The following CDON variants were observed in gnomAD, a reference collection of about 807,000 sequenced individuals.
The protein encoded by CDON is cell adhesion associated, oncogene regulated.
A neutral mutation model predicts 120.9 loss-of-function variants in CDON; 73 were observed. The ratio of observed to expected loss-of-function variants is 0.60; its 90% CI spans 0.50 to 0.73. The LOEUF is 0.73. Ranked by LOEUF, CDON falls within the 30% of genes least tolerant of loss-of-function variation. The probability of loss-of-function intolerance (pLI) is 0.00; values close to 1 mark genes in which losing one functional copy is unlikely to be tolerated. For synonymous variants in CDON, 566 were observed against 573.5 expected, an observed-to-expected ratio of 0.99 and a Z score of 0.19; for missense variants, 1,470 against 1,587.3, an observed-to-expected ratio of 0.93 and a Z score of 1.26.
chr11:126,047,992 C>A (rs1038304302), intron 1 of CDON, among the ~76,000 whole-genome samples: 3 of 152,134 alleles, frequency 2.0e-5, no homozygotes, highest in African/African-American at 7.2e-5. Flanking sequence ...AAGAAATGGT[C>A]TTCAGCCGTC....
At position 126,023,385 on chromosome 11, in the gene CDON, C is replaced by A. The variant is rs769492160; in HGVS notation, c.76+16G>T. 6.4e-7 allele frequency: 1 copy of A among 1,561,262 alleles called. No homozygotes were observed. ...GAGTAAAGGCCAAACCACCCCCTCCCCAATTCTACTCTTACCTGAACTCAC... is the reference window on the plus strand; with the variant it reads ...GAGTAAAGGCCAAACCACCCCCTCCACAATTCTACTCTTACCTGAACTCAC... On this transcript the variant is annotated intron_variant, in intron 2 of 19. Coordinates refer to ENST00000531738, the MANE Select transcript of CDON (RefSeq NM_001378964.1).
At chr11:126,038,097 C>A (rs1339220902) in intron 1 of CDON, among the ~76,000 whole-genome samples, 1 of 151,960 alleles carries the variant, frequency 6.6e-6, no homozygotes, top group Non-Finnish European at 1.5e-5. Flanking sequence ...TCAAAAAAAT[C>A]AAAAAGCTAA....
rs768523009 is a variant in CDON, at chr11:125,997,373, T to C, written c.2196A>G (p.Ala732=). 8 of 1,613,938 alleles carry C rather than the reference T, an allele frequency of 5.0e-6. No individual in the cohort carries two copies. The highest frequency in any genetic ancestry group is 2.2e-5 in the South Asian group (2 of 91,056). ...EAPDRPTIST[A]SETSVYVTWI... ...AAGTGACATAGACTGATGTCTCTGA[T>C]GCAGTGGAGATGGTAGGCCGATCTG... is the stretch of plus-strand genomic sequence containing the variant. The change falls in exon 12 of 20, where the codon GCA becomes GCG. Residue 732 remains alanine, a synonymous_variant. Coordinates refer to ENST00000531738, the MANE Select transcript of CDON (RefSeq NM_001378964.1).
intron 7 of CDON, chr11:126,015,038 C>G: frequency 1.7e-6 from 1 of 600,022 alleles, no homozygotes; most frequent in Non-Finnish European, 2.9e-6. Context: ...TTTTTAAAAA[C>G]TTTTTTTAAT....
At chr11:125,975,334 C>T (rs1254927151) in intron 18 of CDON, among the ~76,000 whole-genome samples, 3 of 152,238 alleles carry the variant, frequency 2.0e-5, no homozygotes, top group African/African-American at 4.8e-5. Flanking sequence ...TCTCTGAAGG[C>T]AGGGCCTAGG....
At position 126,062,593 on chromosome 11, in the gene CDON, GGCTAAGCCTCCA is replaced by G. The variant is rs1428589359; in HGVS notation, c.-88_-77del. On this transcript the variant is annotated 5_prime_UTR_variant, in exon 1 of 20. It removes the in-frame stop codon of an upstream open reading frame in the 5' UTR. Transcript: ENST00000531738. ...CACCCCCGCACCTCTCCGCGGGGCT[GGCTAAGCCTCCA>G]GACCTCCTGCGCTGCAGCCGGCTCG... 1 of 152,192 alleles carries G rather than the reference GGCTAAGCCTCCA, an allele frequency of 6.6e-6. No individual in the cohort carries two copies. The highest frequency in any genetic ancestry group is 1.5e-5 in the Non-Finnish European group (1 of 68,172). 9.4% of individuals were successfully genotyped at this position (152,192 alleles called of 1,614,324 possible).
chr11:126,036,369 G>A (rs1323533545), intron 1 of CDON, among the ~76,000 whole-genome samples: 1 of 152,068 alleles, frequency 6.6e-6, no homozygotes, highest in Non-Finnish European at 1.5e-5. Context: ...AGCAATAAAG[G>A]TAATTTTAAA....
At chr11:125,976,172 T>C (rs533934171) in intron 18 of CDON, among the ~76,000 whole-genome samples, 4 of 152,242 alleles carry the variant, frequency 2.6e-5, no homozygotes, top group Admixed American at 1.3e-4. Flanking sequence ...TAAGAGGAGA[T>C]ACCTGTTCTC....
intron 1 of CDON, among the ~76,000 whole-genome samples, chr11:126,028,033 G>C (rs533489948): frequency 1.9e-4 from 20 of 103,664 alleles, no homozygotes; most frequent in Admixed American, 1.7e-3. Context: ...AGCACTCTAT[G>C]TTGTCAACAT....
At chr11:126,040,863 C>T (rs904685051) in intron 1 of CDON, among the ~76,000 whole-genome samples, 6 of 131,464 alleles carry the variant, frequency 4.6e-5, no homozygotes, top group Non-Finnish European at 6.3e-5. Flanking sequence ...AAAGTCAAGG[C>T]GACTAACCAA....
chr11:126,012,685 A>G (rs866268643), intron 7 of CDON, among the ~76,000 whole-genome samples: 3 of 152,036 alleles, frequency 2.0e-5, no homozygotes, highest in Middle Eastern at 3.4e-3. Context: ...CTAGGATTAC[A>G]GGCGTGAGCC....
intron 11 of CDON, among the ~76,000 whole-genome samples, chr11:125,997,661 A>G (rs1486904587): frequency 6.6e-6 from 1 of 152,242 alleles, no homozygotes; most frequent in Non-Finnish European, 1.5e-5. Context: ...GCTAACAAGT[A>G]TGATCATTTT....
chr11:126,046,988 A>T (rs1948421669), intron 1 of CDON, among the ~76,000 whole-genome samples: 1 of 152,238 alleles, frequency 6.6e-6, no homozygotes, highest in Non-Finnish European at 1.5e-5. Flanking sequence ...TCAGTATTTA[A>T]GTATACATCT....
intron 18 of CDON, among the ~76,000 whole-genome samples, chr11:125,972,952 C>T (rs551631848): frequency 1.9e-4 from 28 of 150,164 alleles, no homozygotes; most frequent in Non-Finnish European, 3.3e-4. Flanking sequence ...TCAGTGACTG[C>T]GCCCAGACAC....
intron 1 of CDON, among the ~76,000 whole-genome samples, chr11:126,056,231 T>C (rs1948676944): frequency 6.6e-6 from 1 of 152,230 alleles, no homozygotes; most frequent in Admixed American, 6.5e-5. Context: ...ATTTGTTGGA[T>C]AGTTCTTCTT....
intron 1 of CDON, among the ~76,000 whole-genome samples, chr11:126,025,786 TA>T (rs755765125): frequency 1.4e-4 from 22 of 152,114 alleles, no homozygotes; most frequent in Non-Finnish European, 2.4e-4. Flanking sequence ...ATTGAGCAAT[TA>T]AAAATGTATA....
At chr11:126,032,258 CAACT>C (rs151132637) in intron 1 of CDON, among the ~76,000 whole-genome samples, 2,477 of 152,004 alleles carry the variant, frequency 0.016, 71 homozygotes, top group African/African-American at 0.056. Flanking sequence ...TCAGAGGAAA[CAACT>C]GACTAGGTGA....
chr11:126,023,452 ATAAG>A lies in CDON; in HGVS notation c.21_24del (p.Leu8ValfsTer15). On this transcript the variant is annotated frameshift_variant, in exon 2 of 20. Transcript: ENST00000531738. LOFTEE classifies it high-confidence loss of function. The stretch of plus-strand genomic sequence containing the variant: ...GTAAGAGTAACATACAGCAGTGTAC[ATAAG>A]GGTCCAAGATCCGGATGCATAGCGC... The A allele has an allele frequency of 1.2e-6, 2 of 1,613,458 alleles. No individual in the cohort carries two copies. Among genetic ancestry groups the A allele is most frequent in the Non-Finnish European group, 1.7e-6 (2 of 1,179,344 alleles).
chr11:126,035,876 G>A (rs927005380), intron 1 of CDON, among the ~76,000 whole-genome samples: 6 of 152,060 alleles, frequency 3.9e-5, no homozygotes, highest in Non-Finnish European at 8.8e-5. Flanking sequence ...AAAAGCCCGA[G>A]AAGTGGCCTT....
Sources: gnomAD v4.1 joint callset for allele counts (sites outside exome capture counted in the v4.1 genomes callset) on GRCh38, gnomAD v4.1.1 for gene constraint, MANE v1.5 for transcripts, NCBI Gene and HGNC (gene_info 2026-07-23, HGNC 2026-07-21) for gene names.